FHOD3: variants seen among roughly 807,000 people sequenced by gnomAD.
FHOD3 encodes the protein FH1/FH2 domain-containing protein 3.
In FHOD3, 90 loss-of-function variants were observed where a neutral mutation model predicts 173.0. The observed-to-expected ratio is 0.52, with a 90% CI of 0.44 to 0.62. FHOD3 has a LOEUF of 0.62. FHOD3 is among the 20% of genes least tolerant of loss of function. FHOD3 has a pLI of 0.00. For missense variants in FHOD3, 1,945 were observed against 2,034.7 expected, an observed-to-expected ratio of 0.96 and a Z score of 0.85; for synonymous variants, 828 against 823.0, an observed-to-expected ratio of 1.01 and a Z score of -0.10.
chr18:36,712,029 C>T (rs1460169284), intron 18 of FHOD3, among the ~76,000 whole-genome samples: 1 of 152,176 alleles, frequency 6.6e-6, no homozygotes, highest in Non-Finnish European at 1.5e-5. Flanking sequence ...CTACCCTCCT[C>T]ATCTGCAATG....
chr18:36,642,582 CAAAAAAAA>C (rs35920197), intron 10 of FHOD3, among the ~76,000 whole-genome samples: 3 of 61,816 alleles, frequency 4.9e-5, no homozygotes, highest in Non-Finnish European at 1.1e-4. Flanking sequence ...GACTCCGTCT[CAAAAAAAA>C]AAAAAAAAAA....
intron 18 of FHOD3, chr18:36,711,078 A>C (rs1050727931): frequency 6.6e-6 from 1 of 152,236 alleles, no homozygotes; most frequent in African/African-American, 2.4e-5. Context: ...CAAAGTGGGC[A>C]ATGTCCAAGT....
At chr18:36,380,666 A>G (rs2047734722) in intron 3 of FHOD3, among the ~76,000 whole-genome samples, 1 of 127,318 alleles carries the variant, frequency 7.9e-6, no homozygotes, top group Non-Finnish European at 1.6e-5. Context: ...CTTTCTTTTC[A>G]GAGTCAATGG....
At position 36,512,419 on chromosome 18, in the gene FHOD3, T is replaced by C. The variant is rs1312116810; in HGVS notation, c.406-19T>C. The C allele has an allele frequency of 6.3e-7, 1 of 1,588,344 alleles. No homozygotes were observed. On this transcript the variant is annotated intron_variant, in intron 4 of 28. Coordinates refer to ENST00000590592, the MANE Select transcript of FHOD3 (RefSeq NM_001281740.3). ...GACAGGGACAGTATTTGAAGTATTT[T>C]TGTTTTCTTTCCTGCCAGGATGACA... is the stretch of plus-strand genomic sequence containing the variant.
At chr18:36,601,007 T>G (rs2031301800) in intron 7 of FHOD3, among the ~76,000 whole-genome samples, 1 of 152,242 alleles carries the variant, frequency 6.6e-6, no homozygotes, top group South Asian at 2.1e-4. Flanking sequence ...TATCTTAAAC[T>G]GGACAGTGAG....
intron 28 of FHOD3, among the ~76,000 whole-genome samples, chr18:36,776,845 G>A (rs1429825221): frequency 6.6e-6 from 1 of 152,144 alleles, no homozygotes. Flanking sequence ...GACCCATAAA[G>A]GTACCTTTAG....
At chr18:36,479,026 A>G (rs2053739442) in intron 3 of FHOD3, among the ~76,000 whole-genome samples, 1 of 152,250 alleles carries the variant, frequency 6.6e-6, no homozygotes, top group Non-Finnish European at 1.5e-5. Flanking sequence ...CAGATAGTCA[A>G]GTGCAAATAA....
At chr18:36,596,178 G>T (rs1197793936) in intron 7 of FHOD3, among the ~76,000 whole-genome samples, 2 of 151,862 alleles carry the variant, frequency 1.3e-5, no homozygotes, top group South Asian at 2.1e-4. Context: ...TTTTTGAGAC[G>T]GAGTCTTGCT....
At chr18:36,433,041 G>T (rs896330369) in intron 3 of FHOD3, among the ~76,000 whole-genome samples, 1 of 152,188 alleles carries the variant, frequency 6.6e-6, no homozygotes, top group African/African-American at 2.4e-5. Flanking sequence ...TGGAAGTACA[G>T]TTCTTTCAGA....
At chr18:36,752,561 A>C (rs545995731) in intron 24 of FHOD3, among the ~76,000 whole-genome samples, 1 of 152,326 alleles carries the variant, frequency 6.6e-6, no homozygotes, top group East Asian at 1.9e-4. Flanking sequence ...AATTCCTTAA[A>C]AGTTTTATGG....
intron 8 of FHOD3, among the ~76,000 whole-genome samples, chr18:36,608,448 G>T (rs950981117): frequency 6.6e-6 from 1 of 152,194 alleles, no homozygotes; most frequent in Admixed American, 6.5e-5. Context: ...ACTGCTTAAA[G>T]GTTCTCCCTT....
At chr18:36,324,915 G>T (rs1056830565) in intron 1 of FHOD3, among the ~76,000 whole-genome samples, 3 of 152,082 alleles carry the variant, frequency 2.0e-5, no homozygotes, top group East Asian at 3.8e-4. Context: ...GCAAAAAAAT[G>T]GAAACAATGC....
At chr18:36,682,769 A>G (rs373167814) in intron 15 of FHOD3, among the ~76,000 whole-genome samples, 4 of 152,084 alleles carry the variant, frequency 2.6e-5, no homozygotes, top group African/African-American at 9.7e-5. Flanking sequence ...TTTAGTAGAC[A>G]TGGGGTTTTA....
At chr18:36,379,898 T>G (rs950504650) in intron 3 of FHOD3, among the ~76,000 whole-genome samples, 3 of 152,188 alleles carry the variant, frequency 2.0e-5, no homozygotes, top group African/African-American at 7.2e-5. Context: ...TTTGTCTTAT[T>G]TATAGAAATT....
chr18:36,574,814 T>C (rs2058585887), intron 5 of FHOD3, among the ~76,000 whole-genome samples: 1 of 152,138 alleles, frequency 6.6e-6, no homozygotes, highest in Admixed American at 6.6e-5. Flanking sequence ...ATCTCTAGTG[T>C]TTTACCATTA....
intron 3 of FHOD3, 43 bp from the exon 4 acceptor site, chr18:36,501,889 A>G: frequency 1.5e-6 from 2 of 1,342,828 alleles, no homozygotes; most frequent in Non-Finnish European, 2.1e-6. Context: ...CACTGTCAAT[A>G]GAGTCAGTTT....
chr18:36,668,079 G>A lies in FHOD3; in HGVS notation c.1835+9891G>A, dbSNP rs571829521. Among the ~76,000 whole-genome samples the A allele has an allele frequency of 4.6e-5, 7 of 152,224 alleles. No individual in the cohort carries two copies. In the South Asian group the frequency reaches 6.2e-4, roughly 14 times the overall value. ...TCTTTAGCTTTCTAGAAGAGGCTGC[G>A]TAGAATTAGTACTAGCTCTTCCTTA... On this transcript the variant is annotated intron_variant, in intron 14 of 28. Transcript: ENST00000590592.
intron 1 of FHOD3, among the ~76,000 whole-genome samples, chr18:36,307,300 GTA>G (rs2092127383): frequency 6.6e-6 from 1 of 152,132 alleles, no homozygotes; most frequent in Non-Finnish European, 1.5e-5. Flanking sequence ...TCCCTAATTT[GTA>G]TTTGGAGCGA....
At chr18:36,670,403 G>A (rs2037454763) in intron 14 of FHOD3, among the ~76,000 whole-genome samples, 1 of 151,948 alleles carries the variant, frequency 6.6e-6, no homozygotes, top group South Asian at 2.1e-4. Flanking sequence ...AAGTTCACTG[G>A]TGGTCTGTTG....
Sources: gnomAD v4.1 joint callset for allele counts (sites outside exome capture counted in the v4.1 genomes callset) on GRCh38, gnomAD v4.1.1 for gene constraint, MANE v1.5 for transcripts, NCBI Gene and HGNC (gene_info 2026-07-23, HGNC 2026-07-21) for gene names.